POGK: variants seen among roughly 807,000 people sequenced by gnomAD.
POGK encodes the protein pogo transposable element derived with KRAB domain.
A neutral mutation model predicts 54.4 loss-of-function variants in POGK; 16 were observed. That is an observed-to-expected ratio of 0.29 (90% CI 0.20 to 0.45). POGK has a LOEUF of 0.45. Among genes scored for constraint, POGK ranks in the 20% least tolerant of loss-of-function variants. The pLI, the probability that POGK is intolerant of heterozygous loss-of-function variation, is 1.00. For synonymous variants in POGK, 271 were observed against 302.2 expected (o/e 0.90, Z 1.07); for missense variants, 515 against 795.6 (o/e 0.65, Z 4.24).
At position 166,841,561 on chromosome 1, in the gene POGK, TG is replaced by T. The variant is rs1157617259; in HGVS notation, c.132+476del. Among the ~76,000 whole-genome samples, 7 of 152,346 alleles carry T rather than the reference TG, an allele frequency of 4.6e-5. No individual in the cohort carries two copies. In the East Asian group the frequency reaches 1.3e-3, roughly 29 times the overall value. On this transcript the variant is annotated intron_variant, in intron 2 of 5. Transcript: ENST00000367876. ...GTCCAGCTGACCTGGATAGAAATGG[TG>T]GGCAGCAGGGAATACAGAGATTCAG...
chr1:166,853,421 C>T lies in POGK; in HGVS notation c.*851C>T, dbSNP rs1378686072. The stretch of plus-strand genomic sequence containing the variant: ...GTCGCTATAAATTATCTGTTGTCTA[C>T]ATGGTACAAGGCCCATTGACTCATC... On this transcript the variant is annotated 3_prime_UTR_variant, in exon 6 of 6. Transcript: ENST00000367876. 1 of 152,572 alleles carries T rather than the reference C, an allele frequency of 6.6e-6. No homozygotes were observed. Among genetic ancestry groups the T allele is most frequent in the Non-Finnish European group, 1.5e-5 (1 of 68,026 alleles). The allele number at this position is 152,572 out of a possible 1,614,324, so 9.5% of individuals were successfully genotyped here. A position where few individuals can be genotyped will look rare whatever the true frequency, so the allele number is the denominator to read the frequency against.
In POGK at chr1:166,849,749, A is replaced by G; in HGVS notation, c.1170A>G (p.Thr390=). ...NQGEKPVLVK[T]PGREKLKITA... ...GCGAAAAGCCTGTCTTGGTCAAGAC[A>G]CCAGGCAGGGAAAAACTGAAAATCA... The change falls in exon 5 of 6, where the codon ACA becomes ACG. Residue 390 remains threonine, a synonymous_variant. Transcript: ENST00000367876. 5.6e-6 allele frequency: 9 copies of G among 1,614,276 alleles called. No homozygotes were observed. Among genetic ancestry groups the G allele is most frequent in the Non-Finnish European group, 7.6e-6 (9 of 1,180,052 alleles).
rs956535550 is a variant in POGK, at chr1:166,855,341, T to C, written c.*2771T>C. On this transcript the variant is annotated 3_prime_UTR_variant, in exon 6 of 6. Transcript: ENST00000367876. Reference sequence around the variant, plus strand: ...TTTCCCTCGTTAAAATAATTATTTTTCTACATGATGCTTGATAATAAGCAT... The same window carrying C: ...TTTCCCTCGTTAAAATAATTATTTTCCTACATGATGCTTGATAATAAGCAT... 5 of 152,326 alleles carry C rather than the reference T, an allele frequency of 3.3e-5. No individual in the cohort carries two copies. The highest frequency in any genetic ancestry group is 7.4e-5 in the Non-Finnish European group (5 of 68,020). 9.4% of individuals were successfully genotyped at this position (152,326 alleles called of 1,614,324 possible). A position where few individuals can be genotyped will look rare whatever the true frequency, so the allele number is the denominator to read the frequency against.
intron 2 of POGK, among the ~76,000 whole-genome samples, chr1:166,841,572 G>A (rs1657514988): frequency 1.3e-5 from 2 of 152,192 alleles, no homozygotes; most frequent in Non-Finnish European, 2.9e-5. Context: ...GGGCAGCAGG[G>A]AATACAGAGA....
rs143846469 is a variant in POGK at position 166,841,757 on chromosome 1, A to G, written c.132+669A>G. 1.1e-4 allele frequency among the ~76,000 whole-genome samples: 17 copies of G among 152,176 alleles called. No homozygotes were observed. In the East Asian group the frequency reaches 2.9e-3, roughly 26 times the overall value. ...AAATTGACATTCCTTTTCTCTGCTT[A>G]TTTTCCGTTGTGTATAAACATTGTC... On this transcript the variant is annotated intron_variant, in intron 2 of 5. Transcript: ENST00000367876.
intron 2 of POGK, 110 bp from the exon 3 acceptor site, chr1:166,846,502 G>C (rs767578520): frequency 5.0e-5 from 71 of 1,433,594 alleles, no homozygotes; most frequent in Middle Eastern, 3.9e-4. Context: ...TCCCTCACCT[G>C]ACCTGTGAGA....
rs202168363 is a variant in POGK, at chr1:166,849,036, C to T, written c.457C>T (p.Arg153Cys). 329 of 1,614,066 alleles carry T rather than the reference C, an allele frequency of 2.0e-4. 1 individual carries two copies. Among genetic ancestry groups the T allele is most frequent in the Non-Finnish European group, 2.6e-4 (304 of 1,180,040 alleles). Residue 153 changes from arginine to cysteine, a missense_variant, in exon 5 of 6, where the codon CGT (arginine) becomes TGT (cysteine). Transcript: ENST00000367876. The part of the protein sequence containing the change: ...QPQHFDSFGL[R>C]LPRDITELPE... ...TCAGCACTTTGACAGCTTTGGCCTC[C>T]GTCTGCCTCGGGATATCACAGAGCT...
rs754533687 is a variant in POGK at position 166,849,698 on chromosome 1, A to G, written c.1119A>G (p.Pro373=). The change falls in exon 5 of 6, where the codon CCA becomes CCG. Residue 373 remains proline (P), a synonymous_variant. Transcript: ENST00000367876. ...ADETPICLEV[P]SRVTVDNQGE... ...AGACGCCCATTTGTTTAGAGGTGCC[A>G]TCACGGGTAACTGTTGATAACCAGG... 32 of 1,614,170 alleles carry G rather than the reference A, an allele frequency of 2.0e-5. No individual in the cohort carries two copies. In the East Asian group the frequency reaches 6.7e-4, roughly 34 times the overall value.
Position 166,850,065 on chromosome 1 carries a change from C to T in POGK, c.1486C>T (p.Pro496Ser). 1 of 1,614,038 alleles carries T rather than the reference C, an allele frequency of 6.2e-7. No individual in the cohort carries two copies. Among genetic ancestry groups the T allele is most frequent in the Non-Finnish European group, 8.5e-7 (1 of 1,180,002 alleles). ...ESMNTDMVII[P>S]GGLTSQLQVL... ...CATGAACACTGACATGGTGATCATC[C>T]CAGGGGGTCTGACCTCACAGCTTCA... The change falls in exon 5 of 6, where the codon CCA becomes TCA. Residue 496 changes from proline (P) to serine (S), a missense_variant. This residue lies in a region of POGK where 461 missense variants were observed against 743.5 expected (regional missense o/e 0.62). Transcript: ENST00000367876.
At chr1:166,839,923 G>A (rs918648556) in intron 1 of POGK, among the ~76,000 whole-genome samples, 1 of 150,166 alleles carries the variant, frequency 6.7e-6, no homozygotes, top group Non-Finnish European at 1.5e-5. Context: ...CGGTGGCGCA[G>A]GCGGGGCAGG....
In POGK at chr1:166,846,514, G is replaced by A. The variant is rs534108026; in HGVS notation, c.133-98G>A. ...GGGTCCCTCACCTGACCTGTGAGAG[G>A]ACAGGCTGTGCTGGGCTGTCTGTAA... On this transcript the variant is annotated intron_variant, in intron 2 of 5. Coordinates refer to ENST00000367876, the MANE Select transcript of POGK (RefSeq NM_017542.5). 8.5e-5 allele frequency: 127 copies of A among 1,494,806 alleles called. 1 individual carries two copies. The Middle Eastern group carries it at 1.1e-3, about 13-fold the overall frequency. 92.6% of individuals were successfully genotyped at this position (1,494,806 alleles called of 1,614,324 possible).
intron 3 of POGK, 59 bp downstream of exon 3, chr1:166,846,797 G>C: frequency 6.3e-7 from 1 of 1,598,866 alleles, no homozygotes; most frequent in Non-Finnish European, 8.6e-7. Flanking sequence ...TTGTTTCCAT[G>C]CCTCTCTTCT....
intron 1 of POGK, chr1:166,840,284 C>T (rs991415814): frequency 6.6e-6 from 1 of 152,290 alleles, no homozygotes; most frequent in Non-Finnish European, 1.5e-5. Context: ...GGGTTATTTC[C>T]CTGTCGGGGT....
At position 166,848,880 on chromosome 1, in the gene POGK, G is replaced by A. The variant is rs916136060; in HGVS notation, c.359-58G>A. The A allele has an allele frequency of 1.5e-5, 23 of 1,518,876 alleles. No homozygotes were observed. In the Admixed American group the frequency reaches 4.9e-4, roughly 32 times the overall value. 94.1% of individuals were successfully genotyped at this position (1,518,876 alleles called of 1,614,324 possible). A position where few individuals can be genotyped will look rare whatever the true frequency, so the allele number is the denominator to read the frequency against. ...TTAGCATTTCAACCCCCAAAAATCA[G>A]GGTATAAGCCATTTTACTTACTGGC... On this transcript the variant is annotated intron_variant, in intron 4 of 5. Transcript: ENST00000367876.
At chr1:166,846,907 T>TG (rs1452096562) in intron 3 of POGK, among the ~76,000 whole-genome samples, 169 bp downstream of exon 3, 15 of 152,196 alleles carry the variant, frequency 9.9e-5, no homozygotes, top group Admixed American at 7.2e-4. Context: ...ATATCAATAT[T>TG]GTGTCACCCT....
At chr1:166,842,495 A>G (rs1034860793) in intron 2 of POGK, among the ~76,000 whole-genome samples, 2 of 152,196 alleles carry the variant, frequency 1.3e-5, no homozygotes, top group African/African-American at 4.8e-5. Flanking sequence ...GAAAGTAAAC[A>G]TAAGTAATAG....
chr1:166,847,349 T>A lies in POGK; in HGVS notation c.260-145T>A, dbSNP rs74364059. 4.0e-3 allele frequency: 2,422 copies of A among 611,790 alleles called. 48 individuals carry two copies. The highest frequency in any genetic ancestry group is 0.039 in the African/African-American group (2,132 of 54,302). 37.9% of individuals were successfully genotyped at this position (611,790 alleles called of 1,614,324 possible). A position where few individuals can be genotyped will look rare whatever the true frequency, so the allele number is the denominator to read the frequency against. On this transcript the variant is annotated intron_variant, in intron 3 of 5. Transcript: ENST00000367876. ...AGACAGACCTATTTTCCATTATCTT[T>A]TTTCTTTAAGTATCCCTGAGCCTTT...
chr1:166,840,988 GC>G lies in POGK; in HGVS notation c.34del (p.Leu12Ter). 1 of 1,614,036 alleles carries G rather than the reference GC, an allele frequency of 6.2e-7. No homozygotes were observed. The highest frequency in any genetic ancestry group is 8.5e-7 in the Non-Finnish European group (1 of 1,179,966). ...TCCACAGCCTACCCTCTCAATTTGA[GC>G]CTGAAAGAAGAGGAAGAGGAAGAAG... MESTAYPLNL[S>X]LKEEEEEEEI... On this transcript the variant is annotated frameshift_variant, in exon 2 of 6. Coordinates refer to ENST00000367876, the MANE Select transcript of POGK (RefSeq NM_017542.5). LOFTEE classifies it high-confidence loss of function.
At position 166,846,618 on chromosome 1, in the gene POGK, G is replaced by T. The variant is rs768868256; in HGVS notation, c.139G>T (p.Ala47Ser). The T allele has an allele frequency of 8.7e-6, 14 of 1,613,996 alleles. No individual in the cohort carries two copies. The African/African-American group carries it at 1.3e-4, about 15-fold the overall frequency. ...GGGCTGTTCACTCTTCCAGGTACCG[G>T]CCCTATTTGATGAGGTGGCCATATA... is the stretch of plus-strand genomic sequence containing the variant. The part of the protein sequence containing the change: ...RICSEGGWVP[A>S]LFDEVAIYFS... Residue 47 changes from alanine (A) to serine (S), a missense_variant, in exon 3 of 6, where the codon GCC becomes TCC. Ala to Ser is a moderately conservative substitution (Grantham distance 99). Coordinates refer to ENST00000367876, the MANE Select transcript of POGK (RefSeq NM_017542.5).
Sources: gnomAD v4.1 joint callset for allele counts (sites outside exome capture counted in the v4.1 genomes callset) on GRCh38, gnomAD v4.1.1 for gene constraint, gnomAD v4.1.1 regional missense constraint, MANE v1.5 for transcripts, NCBI Gene and HGNC (gene_info 2026-07-23, HGNC 2026-07-21) for gene names.